The following ARHGAP24 variants were observed in gnomAD, a reference collection of about 807,000 sequenced individuals.
ARHGAP24 encodes rho GTPase-activating protein 24.
Under a neutral mutation model 76.4 loss-of-function variants are expected in ARHGAP24, and 50 were observed. The observed-to-expected ratio is 0.65, with a 90% CI of 0.52 to 0.83. The LOEUF (loss-of-function observed/expected upper bound fraction) is 0.83, where lower values mean the gene tolerates loss of function less well. ARHGAP24 is among the 40% of genes least tolerant of loss of function. The pLI is 0.00. For synonymous variants in ARHGAP24, 345 were observed against 323.3 expected (o/e 1.07, Z -0.72); for missense variants, 930 against 914.2 (o/e 1.02, Z -0.22).
intron 3 of ARHGAP24, among the ~76,000 whole-genome samples, chr4:85,857,892 C>A (rs76754727): frequency 4.5e-4 from 69 of 152,176 alleles, no homozygotes; most frequent in African/African-American, 1.6e-3. Flanking sequence ...TTTTTTCTGG[C>A]CCTCTGAAGC....
intron 3 of ARHGAP24, among the ~76,000 whole-genome samples, chr4:85,727,294 T>C (rs1212744371): frequency 1.3e-5 from 2 of 152,154 alleles, no homozygotes; most frequent in African/African-American, 4.8e-5. Context: ...TGAACTGGAA[T>C]GGATACACTG....
intron 2 of ARHGAP24, among the ~76,000 whole-genome samples, chr4:85,573,917 T>C (rs991596112): frequency 6.6e-6 from 1 of 152,244 alleles, no homozygotes; most frequent in Non-Finnish European, 1.5e-5. Flanking sequence ...AGGTATTTCT[T>C]GCTTTTTTCT....
rs1271730401 is a variant in ARHGAP24 at position 85,721,884 on chromosome 4, G to A, written c.181-1G>A. 1 of 1,612,824 alleles carries A rather than the reference G, an allele frequency of 6.2e-7. No homozygotes were observed. Among genetic ancestry groups the A allele is most frequent in the East Asian group, 2.2e-5 (1 of 44,794 alleles). ...GATGTTTTGGGTATTTGTTTTCACA[G>A]GGTACTATTTTTCTGCCTGGAAATA... is the stretch of plus-strand genomic sequence containing the variant. On this transcript the variant is annotated splice_acceptor_variant, in intron 2 of 9. Transcript: ENST00000395184. LOFTEE classifies it high-confidence loss of function.
intron 2 of ARHGAP24, among the ~76,000 whole-genome samples, chr4:85,669,670 T>TATAC (rs1722756461): frequency 1.5e-5 from 1 of 66,526 alleles, no homozygotes; most frequent in South Asian, 8.1e-4. Context: ...TATATATATA[T>TATAC]ATATATATAT....
chr4:85,631,980 G>A (rs1721172543), intron 2 of ARHGAP24, among the ~76,000 whole-genome samples: 1 of 151,980 alleles, frequency 6.6e-6, no homozygotes, highest in South Asian at 2.1e-4. Flanking sequence ...ATAGTTCTGA[G>A]TGTGTCTTTT....
chr4:85,816,394 A>G (rs986145463), intron 3 of ARHGAP24, among the ~76,000 whole-genome samples: 1 of 152,188 alleles, frequency 6.6e-6, no homozygotes, highest in Non-Finnish European at 1.5e-5. Context: ...ATCATGCAAT[A>G]TCTTCCTTTC....
At chr4:85,795,314 C>G (rs764781317) in intron 3 of ARHGAP24, among the ~76,000 whole-genome samples, 1 of 152,154 alleles carries the variant, frequency 6.6e-6, no homozygotes, top group Non-Finnish European at 1.5e-5. Flanking sequence ...GCTCTATTTT[C>G]TATTCCCTTC....
Position 85,806,219 on chromosome 4 carries a change from G to A in ARHGAP24, c.268+84247G>A, listed in dbSNP as rs902879193. Among the ~76,000 whole-genome samples the A allele has an allele frequency of 3.9e-5, 6 of 152,250 alleles. No homozygotes were observed. In the East Asian group the frequency reaches 5.8e-4, roughly 15 times the overall value. ...TGATAAATTAAATCAGTTGCAAGTC[G>A]TTAAGTCTTGGCTTCCACTCATCTA... On this transcript the variant is annotated intron_variant, in intron 3 of 9. Coordinates refer to ENST00000395184, the MANE Select transcript of ARHGAP24 (RefSeq NM_001025616.3).
At chr4:85,926,956 C>T (rs1311678432) in intron 4 of ARHGAP24, among the ~76,000 whole-genome samples, 1 of 151,982 alleles carries the variant, frequency 6.6e-6, no homozygotes, top group African/African-American at 2.4e-5. Flanking sequence ...ATCGTATATT[C>T]TTCAGTATAT....
intron 8 of ARHGAP24, among the ~76,000 whole-genome samples, chr4:85,980,205 G>A (rs1739573432): frequency 6.6e-6 from 1 of 152,158 alleles, no homozygotes; most frequent in South Asian, 2.1e-4. Flanking sequence ...AGTCTTTTTA[G>A]TGGGCAGAGC....
chr4:85,531,582 G>T (rs1725260909), intron 1 of ARHGAP24, among the ~76,000 whole-genome samples: 1 of 151,928 alleles, frequency 6.6e-6, no homozygotes, highest in South Asian at 2.1e-4. Context: ...ACTTAATTTT[G>T]TTTTATTAAA....
At chr4:85,581,737 C>T (rs1727621455) in intron 2 of ARHGAP24, among the ~76,000 whole-genome samples, 1 of 151,934 alleles carries the variant, frequency 6.6e-6, no homozygotes, top group South Asian at 2.1e-4. Context: ...GAAACTTTTC[C>T]TAGTTTTTTT....
chr4:85,541,527 T>C (rs1032867966), intron 1 of ARHGAP24, among the ~76,000 whole-genome samples: 13 of 152,088 alleles, frequency 8.5e-5, no homozygotes, highest in African/African-American at 3.1e-4. Context: ...CAATATATAT[T>C]TTTTTGTGTC....
At chr4:85,637,804 C>T (rs1237180134) in intron 2 of ARHGAP24, among the ~76,000 whole-genome samples, 2 of 151,820 alleles carry the variant, frequency 1.3e-5, no homozygotes, top group East Asian at 1.9e-4. Context: ...ATTTGGCTCA[C>T]ATCAGTATTC....
intron 3 of ARHGAP24, among the ~76,000 whole-genome samples, chr4:85,781,832 G>A (rs1031582550): frequency 3.3e-5 from 5 of 152,038 alleles, no homozygotes; most frequent in African/African-American, 7.2e-5. Context: ...TCAGGAGTTC[G>A]AGGGCAGCCT....
At chr4:85,569,727 C>A (rs558595195) in intron 1 of ARHGAP24, among the ~76,000 whole-genome samples, 1 of 152,126 alleles carries the variant, frequency 6.6e-6, no homozygotes, top group Non-Finnish European at 1.5e-5. Context: ...TTCAGCTGTA[C>A]GAATCCCTGA....
intron 3 of ARHGAP24, among the ~76,000 whole-genome samples, chr4:85,799,635 G>A (rs1392967005): frequency 2.6e-5 from 4 of 151,980 alleles, no homozygotes; most frequent in African/African-American, 9.7e-5. Flanking sequence ...AAAATTGGTG[G>A]GCATAATTTG....
intron 1 of ARHGAP24, among the ~76,000 whole-genome samples, chr4:85,562,806 T>G (rs1726649891): frequency 1.3e-5 from 2 of 152,136 alleles, no homozygotes; most frequent in South Asian, 4.1e-4. Context: ...GGGCAGAAAC[T>G]TGAAGGCAAC....
At chr4:85,941,370 G>A (rs1438295700) in intron 4 of ARHGAP24, among the ~76,000 whole-genome samples, 3 of 152,064 alleles carry the variant, frequency 2.0e-5, no homozygotes, top group African/African-American at 7.2e-5. Context: ...ACCCTGTACT[G>A]CCAATTCTAA....
Sources: gnomAD v4.1 joint callset for allele counts (sites outside exome capture counted in the v4.1 genomes callset) on GRCh38, gnomAD v4.1.1 for gene constraint, MANE v1.5 for transcripts, NCBI Gene and HGNC (gene_info 2026-07-23, HGNC 2026-07-21) for gene names.